The following SDK1 variants were observed in gnomAD, a reference collection of about 807,000 sequenced individuals.
SDK1 encodes sidekick cell adhesion molecule 1.
A neutral mutation model predicts 245.5 loss-of-function variants in SDK1; 157 were observed. That is an observed-to-expected ratio of 0.64 (90% CI 0.56 to 0.73). The LOEUF is 0.73. SDK1 is among the 30% of genes least tolerant of loss of function. The probability of loss-of-function intolerance (pLI) is 0.00; values close to 1 mark genes in which losing one functional copy is unlikely to be tolerated. For synonymous variants in SDK1, 1,647 were observed against 1,278.5 expected, an observed-to-expected ratio of 1.29 and a Z score of -6.15; for missense variants, 3,583 against 3,002.3, an observed-to-expected ratio of 1.19 and a Z score of -4.52.
intron 1 of SDK1, among the ~76,000 whole-genome samples, chr7:3,543,799 G>A (rs1018488763): frequency 5.9e-5 from 9 of 152,268 alleles, no homozygotes; most frequent in Non-Finnish European, 8.8e-5. Context: ...TATTCTGTAC[G>A]AAAGGATGAT....
rs746030448 is a variant in SDK1 at position 4,012,219 on chromosome 7, C to G, written c.2404C>G (p.Arg802Gly). 2.0e-6 allele frequency: 3 copies of G among 1,527,138 alleles called. No homozygotes were observed. The highest frequency in any genetic ancestry group is 3.4e-4 in the Middle Eastern group (2 of 5,814). 94.6% of individuals were successfully genotyped at this position (1,527,138 alleles called of 1,614,324 possible). Residue 802 changes from arginine to glycine, a missense_variant, in exon 16 of 45, where the codon CGT (arginine) becomes GGT (glycine). Transcript: ENST00000404826. ...AGAAACAGAGCACAACGGGGTGTTG[C>G]GTGGATACATCCTCAGGCAAGTGCC... ...PPETEHNGVL[R>G]GYILRYRLAG...
At chr7:3,462,960 T>A (rs1780879576) in intron 1 of SDK1, among the ~76,000 whole-genome samples, 1 of 152,150 alleles carries the variant, frequency 6.6e-6, no homozygotes, top group Non-Finnish European at 1.5e-5. Context: ...TCACATGGAT[T>A]TTACCTCCCT....
intron 4 of SDK1, among the ~76,000 whole-genome samples, chr7:3,675,070 A>T (rs151311359): frequency 6.6e-6 from 1 of 152,286 alleles, no homozygotes; most frequent in East Asian, 1.9e-4. Flanking sequence ...AAACCTTCTC[A>T]TGCCCGTGAG....
chr7:4,053,362 TC>T (rs34614409), intron 19 of SDK1, among the ~76,000 whole-genome samples: 36,791 of 151,876 alleles, frequency 0.24, 6,580 homozygotes, highest in African/African-American at 0.51. Flanking sequence ...CTTGCCTCTC[TC>T]CCCTTTCCTC....
intron 29 of SDK1, among the ~76,000 whole-genome samples, chr7:4,148,325 A>G (rs986150258): frequency 1.3e-5 from 2 of 152,218 alleles, no homozygotes; most frequent in African/African-American, 2.4e-5. Flanking sequence ...ATAAACAATT[A>G]AACAATTATT....
chr7:3,940,309 T>C (rs188180643), intron 5 of SDK1, among the ~76,000 whole-genome samples: 14 of 152,360 alleles, frequency 9.2e-5, no homozygotes, highest in South Asian at 4.1e-4. Flanking sequence ...GAAACCCTGC[T>C]TGGTGGAGGT....
intron 13 of SDK1, among the ~76,000 whole-genome samples, chr7:3,975,363 T>A (rs1166923154): frequency 1.3e-5 from 2 of 152,230 alleles, no homozygotes; most frequent in East Asian, 1.9e-4. Flanking sequence ...CATCCGTCCC[T>A]GGTCATCGTT....
intron 1 of SDK1, among the ~76,000 whole-genome samples, chr7:3,403,325 T>C (rs1358865810): frequency 6.6e-6 from 1 of 152,300 alleles, no homozygotes; most frequent in African/African-American, 2.4e-5. Context: ...TTTACCCATT[T>C]ACATCATTAA....
rs551355090 is a variant in SDK1, at chr7:3,536,374, A to G, written c.299-82706A>G. Among the ~76,000 whole-genome samples, 4 of 152,126 alleles carry G rather than the reference A, an allele frequency of 2.6e-5. No homozygotes were observed. The East Asian group carries it at 7.7e-4, about 29-fold the overall frequency. On this transcript the variant is annotated intron_variant, in intron 1 of 44. Coordinates refer to ENST00000404826, the MANE Select transcript of SDK1 (RefSeq NM_152744.4). ...AACTGCTGCACCCGGCCACTAGCAG[A>G]ATAATTTTTTAAAAAATCTATGCAT...
chr7:4,246,908 C>G (rs1475849535), intron 44 of SDK1, among the ~76,000 whole-genome samples: 1 of 152,192 alleles, frequency 6.6e-6, no homozygotes, highest in African/African-American at 2.4e-5. Flanking sequence ...CTTTAACCAG[C>G]AAGGCAGCCA....
intron 1 of SDK1, among the ~76,000 whole-genome samples, chr7:3,358,036 G>T (rs1395988851): frequency 6.6e-6 from 1 of 150,744 alleles, no homozygotes; most frequent in African/African-American, 2.4e-5. Flanking sequence ...TTTTTTTTGG[G>T]GGATGGACAG....
At chr7:3,648,063 C>G (rs892987156) in intron 4 of SDK1, among the ~76,000 whole-genome samples, 5 of 152,048 alleles carry the variant, frequency 3.3e-5, no homozygotes, top group African/African-American at 9.7e-5. Context: ...TTACTGAGTC[C>G]AAAGTTTGCT....
chr7:4,018,731 G>A (rs1007249801), intron 17 of SDK1, among the ~76,000 whole-genome samples: 1 of 152,180 alleles, frequency 6.6e-6, no homozygotes, highest in Non-Finnish European at 1.5e-5. Flanking sequence ...GGGCTTTGAG[G>A]CTTTGGACTC....
At chr7:3,342,588 C>G (rs573104285) in intron 1 of SDK1, among the ~76,000 whole-genome samples, 30 of 146,302 alleles carry the variant, frequency 2.1e-4, no homozygotes, top group Admixed American at 7.5e-4. Context: ...AACTCCATCT[C>G]AAAAAAAAGA....
At chr7:4,169,601 G>A (rs534584123) in intron 32 of SDK1, among the ~76,000 whole-genome samples, 1 of 152,294 alleles carries the variant, frequency 6.6e-6, no homozygotes, top group Admixed American at 6.5e-5. Flanking sequence ...CTGGCACCCG[G>A]TGCACTATAG....
At chr7:3,848,161 A>C (rs894537186) in intron 5 of SDK1, among the ~76,000 whole-genome samples, 1 of 152,232 alleles carries the variant, frequency 6.6e-6, no homozygotes, top group African/African-American at 2.4e-5. Flanking sequence ...TCAGGATTCT[A>C]TAATATATTA....
intron 5 of SDK1, among the ~76,000 whole-genome samples, chr7:3,854,537 T>C (rs1009342631): frequency 6.6e-6 from 1 of 152,212 alleles, no homozygotes; most frequent in Admixed American, 6.6e-5. Context: ...AGCAACCATA[T>C]TCCGTAATGC....
chr7:3,433,196 C>T (rs900201170), intron 1 of SDK1, among the ~76,000 whole-genome samples: 3 of 152,176 alleles, frequency 2.0e-5, no homozygotes, highest in African/African-American at 4.8e-5. Flanking sequence ...AGAGAATATG[C>T]CTGGCTTCGT....
chr7:4,130,083 G>A lies in SDK1; in HGVS notation c.4115G>A (p.Arg1372His), dbSNP rs1298014873. Residue 1372 changes from arginine to histidine, a missense_variant, in exon 27 of 45, where the codon CGC becomes CAC. By Grantham distance (29) the Arg-to-His change is conservative. Coordinates refer to ENST00000404826, the MANE Select transcript of SDK1 (RefSeq NM_152744.4). Reference sequence around the variant, plus strand: ...CCCAGCACGCCCCTCATCCTGGAGCGCACCAAAGACGATGGTAGGTCCAGG... The same window carrying A: ...CCCAGCACGCCCCTCATCCTGGAGCACACCAAAGACGATGGTAGGTCCAGG... The part of the protein sequence containing the change: ...GVPSTPLILE[R>H]TKDDAPGPPV... The A allele has an allele frequency of 6.9e-6, 11 of 1,603,890 alleles. No individual in the cohort carries two copies. The highest frequency in any genetic ancestry group is 6.7e-5 in the East Asian group (3 of 44,546).
Sources: gnomAD v4.1 joint callset for allele counts (sites outside exome capture counted in the v4.1 genomes callset) on GRCh38, gnomAD v4.1.1 for gene constraint, MANE v1.5 for transcripts, NCBI Gene and HGNC (gene_info 2026-07-23, HGNC 2026-07-21) for gene names.